The following HPSE2 variants were observed in gnomAD, a reference collection of about 807,000 sequenced individuals.
HPSE2 encodes the protein inactive heparanase-2.
In HPSE2, 38 loss-of-function variants were observed where a neutral mutation model predicts 60.5. That is an observed-to-expected ratio of 0.63 (90% confidence interval 0.48 to 0.82). The LOEUF (loss-of-function observed/expected upper bound fraction) is 0.82, where lower values mean the gene tolerates loss of function less well. Among genes scored for constraint, HPSE2 ranks in the 40% least tolerant of loss-of-function variants. The pLI is 0.00. For missense variants in HPSE2, 713 were observed against 740.4 expected (o/e 0.96, Z 0.43); for synonymous variants, 295 against 293.2 (o/e 1.01, Z -0.06).
chr10:99,163,494 G>C (rs907385588), intron 2 of HPSE2, among the ~76,000 whole-genome samples: 2 of 152,064 alleles, frequency 1.3e-5, no homozygotes, highest in Non-Finnish European at 2.9e-5. Context: ...GTATGTACAC[G>C]TGTGTACATG....
chr10:99,161,749 C>T (rs955769190), intron 2 of HPSE2, among the ~76,000 whole-genome samples: 1 of 152,068 alleles, frequency 6.6e-6, no homozygotes, highest in Non-Finnish European at 1.5e-5. Context: ...CACAGCAGCA[C>T]TATTTACAGT....
intron 3 of HPSE2, among the ~76,000 whole-genome samples, chr10:98,889,790 C>A (rs1953281141): frequency 2.0e-5 from 3 of 152,156 alleles, no homozygotes; most frequent in Admixed American, 2.0e-4. Context: ...CTATGGGGTA[C>A]CTTTTGCTTC....
intron 9 of HPSE2, among the ~76,000 whole-genome samples, chr10:98,566,898 C>T (rs530204008): frequency 1.3e-5 from 2 of 152,256 alleles, no homozygotes; most frequent in East Asian, 3.9e-4. Context: ...AGGTCAAATT[C>T]TTCTCAATAA....
At chr10:99,265,238 C>T in the HPSE2 span, among the ~76,000 whole-genome samples, 1 of 152,216 alleles carries the variant, frequency 6.6e-6, no homozygotes, top group Admixed American at 6.5e-5. Flanking sequence ...GTACGCCTAA[C>T]CCAAACCTAT....
intron 3 of HPSE2, among the ~76,000 whole-genome samples, chr10:98,816,283 T>G (rs1951288244): frequency 6.6e-6 from 1 of 152,050 alleles, no homozygotes; most frequent in South Asian, 2.1e-4. Flanking sequence ...TTGTTTTTTG[T>G]TTTTTTACAG....
chr10:98,579,487 G>C (rs1192655043), intron 9 of HPSE2, among the ~76,000 whole-genome samples: 1 of 152,138 alleles, frequency 6.6e-6, no homozygotes, highest in African/African-American at 2.4e-5. Context: ...CTGATCGCCA[G>C]GTTATTTTGC....
At chr10:99,264,759 A>G in the HPSE2 span, among the ~76,000 whole-genome samples, 4 of 152,114 alleles carry the variant, frequency 2.6e-5, no homozygotes, top group Admixed American at 6.5e-5. Flanking sequence ...CCTCCAGGTC[A>G]TCACCACTAA....
chr10:98,650,851 AG>A (rs2134060053), intron 6 of HPSE2, among the ~76,000 whole-genome samples: 1 of 152,322 alleles, frequency 6.6e-6, no homozygotes, highest in Non-Finnish European at 1.5e-5. Flanking sequence ...CAATAGTTTG[AG>A]GTAGATTTAT....
At chr10:98,590,350 G>C (rs942326734) in intron 9 of HPSE2, among the ~76,000 whole-genome samples, 2 of 152,240 alleles carry the variant, frequency 1.3e-5, no homozygotes, top group South Asian at 4.1e-4. Context: ...GCTGAGGCAG[G>C]AGAATGGTGT....
chr10:99,251,741 T>G, the HPSE2 span, among the ~76,000 whole-genome samples: 1 of 151,580 alleles, frequency 6.6e-6, no homozygotes, highest in Non-Finnish European at 1.5e-5. Context: ...TTAAAAACAA[T>G]TGGCTAGGCA....
At chr10:98,933,937 T>C (rs1954715396) in intron 3 of HPSE2, among the ~76,000 whole-genome samples, 1 of 142,778 alleles carries the variant, frequency 7.0e-6, no homozygotes, top group South Asian at 2.1e-4. Flanking sequence ...TTTCACTGTG[T>C]TAGCCAGGAT....
chr10:99,027,734 T>A (rs569170901), intron 3 of HPSE2, among the ~76,000 whole-genome samples: 1 of 136,724 alleles, frequency 7.3e-6, no homozygotes, highest in Non-Finnish European at 1.5e-5. Context: ...ATATCTCTGA[T>A]GAATACTGAT....
At chr10:98,974,442 A>G (rs1329769694) in intron 3 of HPSE2, among the ~76,000 whole-genome samples, 3 of 151,908 alleles carry the variant, frequency 2.0e-5, no homozygotes, top group African/African-American at 2.4e-5. Flanking sequence ...TAATTTTTGT[A>G]TTTTTAGTAG....
intron 3 of HPSE2, among the ~76,000 whole-genome samples, chr10:98,899,135 G>T (rs546358316): frequency 6.6e-6 from 1 of 152,194 alleles, no homozygotes; most frequent in Non-Finnish European, 1.5e-5. Flanking sequence ...TGTGGTCTTC[G>T]TTCCAGCAAT....
chr10:98,617,826 T>C (rs143955003), intron 8 of HPSE2, among the ~76,000 whole-genome samples: 2,038 of 152,312 alleles, frequency 0.013, 22 homozygotes, highest in Non-Finnish European at 0.021. Context: ...CAAGAGTATT[T>C]GTGGTCCACC....
chr10:98,845,065 A>C (rs972610626), intron 3 of HPSE2, among the ~76,000 whole-genome samples: 3 of 152,240 alleles, frequency 2.0e-5, no homozygotes, highest in Non-Finnish European at 4.4e-5. Context: ...GGCAACTCCT[A>C]AAGTTGTAAC....
the HPSE2 span, among the ~76,000 whole-genome samples, chr10:99,275,928 G>T: frequency 6.6e-6 from 1 of 152,056 alleles, no homozygotes; most frequent in African/African-American, 2.4e-5. Flanking sequence ...TATGTGATGT[G>T]CAATCCTGGT....
rs187091022 is a variant in HPSE2, at chr10:99,147,253, T to C, written c.449-2854A>G. Among the ~76,000 whole-genome samples the C allele has an allele frequency of 2.4e-3, 366 of 152,226 alleles. 1 individual carries two copies. The highest frequency in any genetic ancestry group is 3.9e-3 in the Non-Finnish European group (264 of 68,014). On this transcript the variant is annotated intron_variant, in intron 2 of 11. Coordinates refer to ENST00000370552, the MANE Select transcript of HPSE2 (RefSeq NM_021828.5). ...TATATGAAACTCATGAGCTTAAGAG[T>C]AGAATTACATTAAACAATAAAAGGA...
Position 98,903,839 on chromosome 10 carries a change from A to G in HPSE2, c.611-159783T>C, listed in dbSNP as rs1184582673. The stretch of plus-strand genomic sequence containing the variant: ...GACAGATGTATAAACACACAGTAAT[A>G]TATCAATTAAGATGTACTATAATTC... On this transcript the variant is annotated intron_variant, in intron 3 of 11. Coordinates refer to ENST00000370552, the MANE Select transcript of HPSE2 (RefSeq NM_021828.5). Among the ~76,000 whole-genome samples the G allele has an allele frequency of 2.0e-5, 3 of 152,278 alleles. No homozygotes were observed. The South Asian group carries it at 6.2e-4, about 32-fold the overall frequency.
Sources: allele counts gnomAD v4.1 joint callset (sites outside exome capture counted in the v4.1 genomes callset), GRCh38; gene constraint gnomAD v4.1.1; transcripts MANE v1.5; gene names NCBI Gene and HGNC (gene_info 2026-07-23, HGNC 2026-07-21).